Variants in ZFHX3 observed in about 807,000 individuals in gnomAD.
ZFHX3 encodes the protein zinc finger homeobox protein 3.
A neutral mutation model predicts 279.1 loss-of-function variants in ZFHX3; 42 were observed. The ratio of observed to expected loss-of-function variants is 0.15; its 90% CI spans 0.12 to 0.19. The LOEUF (loss-of-function observed/expected upper bound fraction) is 0.19, where lower values mean the gene tolerates loss of function less well. Ranked by LOEUF, ZFHX3 falls within the 10% of genes least tolerant of loss-of-function variation. ZFHX3 has a pLI of 1.00. For synonymous variants in ZFHX3, 2,293 were observed against 1,957.8 expected (o/e 1.17, Z -4.52); for missense variants, 4,981 against 4,754.0 (o/e 1.05, Z -1.40).
intron 8 of ZFHX3, among the ~76,000 whole-genome samples, chr16:73,072,782 C>T (rs1284718333): frequency 2.0e-5 from 3 of 152,176 alleles, no homozygotes; most frequent in Admixed American, 6.5e-5. Context: ...GTTGCCCAGG[C>T]TGGTCTCGAA....
At chr16:73,474,484 A>G (rs2018730962) in intron 2 of ZFHX3, among the ~76,000 whole-genome samples, 1 of 152,170 alleles carries the variant, frequency 6.6e-6, no homozygotes, top group African/African-American at 2.4e-5. Context: ...AAAAGCAGAG[A>G]GCATTTGCTT....
intron 2 of ZFHX3, among the ~76,000 whole-genome samples, chr16:73,486,467 A>C (rs76646044): frequency 9.3e-4 from 141 of 152,290 alleles, no homozygotes; most frequent in African/African-American, 3.3e-3. Context: ...ATTCTTTGTC[A>C]AGATGTCAAG....
chr16:73,689,011 T>C (rs1349582809), intron 1 of ZFHX3, among the ~76,000 whole-genome samples: 1 of 152,200 alleles, frequency 6.6e-6, no homozygotes, highest in East Asian at 1.9e-4. Flanking sequence ...GTCTTGGGTA[T>C]GTCTTTATCA....
At chr16:73,774,218 A>T (rs2054051499) in intron 1 of ZFHX3, among the ~76,000 whole-genome samples, 1 of 152,174 alleles carries the variant, frequency 6.6e-6, no homozygotes. Context: ...AACTCTCCAA[A>T]TTCATTTTTG....
At chr16:72,892,880 G>A (rs1415400376) in intron 3 of ZFHX3, among the ~76,000 whole-genome samples, 1 of 152,160 alleles carries the variant, frequency 6.6e-6, no homozygotes, top group African/African-American at 2.4e-5. Context: ...AGAGGATGTT[G>A]GGAGGATGGG....
intron 5 of ZFHX3, among the ~76,000 whole-genome samples, chr16:73,182,326 G>A (rs113944930): frequency 6.6e-5 from 10 of 152,240 alleles, no homozygotes; most frequent in African/African-American, 2.4e-4. Context: ...GTGTGGTGGC[G>A]CATGCCTGTA....
intron 1 of ZFHX3, among the ~76,000 whole-genome samples, chr16:73,891,011 A>T (rs538135449): frequency 2.4e-5 from 1 of 41,378 alleles, no homozygotes; most frequent in Non-Finnish European, 5.2e-5. Context: ...CCCCTACCCC[A>T]CCTCGCCGCT....
chr16:73,693,221 T>C (rs2053165541), intron 1 of ZFHX3, among the ~76,000 whole-genome samples: 1 of 152,086 alleles, frequency 6.6e-6, no homozygotes, highest in Non-Finnish European at 1.5e-5. Context: ...TATATAAATA[T>C]TTTAAGTAGC....
intron 2 of ZFHX3, among the ~76,000 whole-genome samples, chr16:72,952,864 G>A (rs1234008553): frequency 6.6e-6 from 1 of 152,110 alleles, no homozygotes; most frequent in African/African-American, 2.4e-5. Flanking sequence ...CAGAAGGCTG[G>A]GCACTGGCGT....
At chr16:73,414,397 A>G (rs1215819570) in intron 3 of ZFHX3, among the ~76,000 whole-genome samples, 1 of 152,260 alleles carries the variant, frequency 6.6e-6, no homozygotes, top group Non-Finnish European at 1.5e-5. Flanking sequence ...CTGTCTGTAA[A>G]GAACTAAACT....
chr16:73,108,211 G>A (rs1442338023), intron 7 of ZFHX3, among the ~76,000 whole-genome samples: 5 of 151,938 alleles, frequency 3.3e-5, no homozygotes, highest in Admixed American at 1.3e-4. Context: ...GTGTGCCCCC[G>A]TGGTCCCAGC....
chr16:73,695,479 T>C (rs1347413280), intron 1 of ZFHX3, among the ~76,000 whole-genome samples: 1 of 152,140 alleles, frequency 6.6e-6, no homozygotes, highest in Non-Finnish European at 1.5e-5. Context: ...TTTGAAGAAA[T>C]CAAACTGCTT....
chr16:73,833,546 T>C (rs1356003148), intron 1 of ZFHX3, among the ~76,000 whole-genome samples: 1 of 150,894 alleles, frequency 6.6e-6, no homozygotes, highest in African/African-American at 2.4e-5. Context: ...TAAGTGGGAG[T>C]TGAACAATGA....
At chr16:73,421,759 A>G (rs2017722568) in intron 3 of ZFHX3, among the ~76,000 whole-genome samples, 1 of 152,050 alleles carries the variant, frequency 6.6e-6, no homozygotes, top group Admixed American at 6.6e-5. Flanking sequence ...TCATCTCTCC[A>G]GGGCTTCTGT....
At chr16:72,814,120 AC>A in intron 5 of ZFHX3, among the ~76,000 whole-genome samples, 1 of 152,194 alleles carries the variant, frequency 6.6e-6, no homozygotes, top group African/African-American at 2.4e-5. Context: ...CCATTTCTTT[AC>A]CTTCTCTATT....
chr16:72,792,390 C>G (rs2035739440), intron 9 of ZFHX3, among the ~76,000 whole-genome samples: 1 of 152,190 alleles, frequency 6.6e-6, no homozygotes, highest in Admixed American at 6.5e-5. Flanking sequence ...TTAAAAACAG[C>G]CACTATTGTT....
At chr16:72,844,953 G>C (rs1314390567) in intron 4 of ZFHX3, among the ~76,000 whole-genome samples, 1 of 151,436 alleles carries the variant, frequency 6.6e-6, no homozygotes, top group Non-Finnish European at 1.5e-5. Context: ...TGCCTTCATA[G>C]AGAGCTAAGC....
At chr16:72,978,640 C>T (rs1475743784) in intron 1 of ZFHX3, among the ~76,000 whole-genome samples, 3 of 152,222 alleles carry the variant, frequency 2.0e-5, no homozygotes, top group Non-Finnish European at 2.9e-5. Context: ...GGGTGGGAGA[C>T]ATCGTTGGAC....
chr16:73,145,669 T>C (rs977708844), intron 5 of ZFHX3, among the ~76,000 whole-genome samples: 13 of 152,252 alleles, frequency 8.5e-5, no homozygotes, highest in African/African-American at 1.4e-4. Flanking sequence ...CATTCAGTCA[T>C]GGAGGTGGAT....
Sources: gnomAD v4.1 joint callset for allele counts (sites outside exome capture counted in the v4.1 genomes callset) on GRCh38, gnomAD v4.1.1 for gene constraint, MANE v1.5 for transcripts, NCBI Gene and HGNC (gene_info 2026-07-23, HGNC 2026-07-21) for gene names.